Variants in POLK observed in about 807,000 individuals in gnomAD.
POLK encodes DNA polymerase kappa.
Under a neutral mutation model 94.0 loss-of-function variants are expected in POLK, and 76 were observed. That is an observed-to-expected ratio of 0.81 (90% confidence interval 0.67 to 0.98). The LOEUF is 0.98. Among genes scored for constraint, POLK ranks in the 50% least tolerant of loss-of-function variants. The pLI is 0.00. For missense variants in POLK, 954 were observed against 1,010.1 expected (o/e 0.94, Z 0.75); for synonymous variants, 349 against 325.4 (o/e 1.07, Z -0.78).
At chr5:75,545,604 AAAT>A (rs1356916051) in intron 1 of POLK, among the ~76,000 whole-genome samples, 1 of 152,244 alleles carries the variant, frequency 6.6e-6, no homozygotes, top group Non-Finnish European at 1.5e-5. Context: ...TAAAGATATT[AAAT>A]AATTATTATC....
chr5:75,520,580 T>G (rs1278766423), intron 1 of POLK, among the ~76,000 whole-genome samples: 1 of 152,092 alleles, frequency 6.6e-6, no homozygotes, highest in African/African-American at 2.4e-5. Context: ...AAAATTTTTT[T>G]TAGAGATAAG....
chr5:75,511,527 G>A, upstream of POLK: 1 of 1,466,270 alleles, frequency 6.8e-7, no homozygotes, highest in Non-Finnish European at 9.0e-7. Context: ...TTTCAAATAG[G>A]GAAGGAAAAG....
At chr5:75,552,070 A>C (rs1276074862) in intron 2 of POLK, among the ~76,000 whole-genome samples, 2 of 152,222 alleles carry the variant, frequency 1.3e-5, no homozygotes, top group Admixed American at 1.3e-4. Context: ...CTTAACATTA[A>C]ATATTTGAAA....
intron 12 of POLK, among the ~76,000 whole-genome samples, chr5:75,595,248 G>GAAAAA (rs58783164): frequency 0.1 from 2,601 of 24,864 alleles, 397 homozygotes; most frequent in Non-Finnish European, 0.14. Flanking sequence ...CTCCACCTCA[G>GAAAAA]AAAAAAAAAA....
chr5:75,597,178 G>C, exon 13 of POLK: 1 of 1,421,112 alleles, frequency 7.0e-7, no homozygotes, highest in Non-Finnish European at 9.9e-7. Context: ...CAGAAGTACT[G>C]GTAAGTGTGT....
downstream of POLK, among the ~76,000 whole-genome samples, chr5:75,602,616 T>A (rs1302696094): frequency 1.3e-5 from 2 of 152,184 alleles, no homozygotes; most frequent in African/African-American, 4.8e-5. Flanking sequence ...ACTTGAATAA[T>A]GCAGAGACAC....
chr5:75,515,247 T>A (rs1768269176), intron 1 of POLK, among the ~76,000 whole-genome samples: 2 of 152,224 alleles, frequency 1.3e-5, no homozygotes, highest in Non-Finnish European at 2.9e-5. Context: ...TTTTTTGTAT[T>A]TTTGGTCATT....
At chr5:75,559,505 G>GTGTTTTTT (rs1770841207) in intron 3 of POLK, among the ~76,000 whole-genome samples, 1 of 70,080 alleles carries the variant, frequency 1.4e-5, no homozygotes, top group African/African-American at 4.8e-5. Context: ...TTTGGGGTTT[G>GTGTTTTTT]TTTTTTTGTT....
chr5:75,539,453 T>C (rs573656471), intron 1 of POLK, among the ~76,000 whole-genome samples: 1 of 152,328 alleles, frequency 6.6e-6, no homozygotes, highest in Non-Finnish European at 1.5e-5. Flanking sequence ...TTTGAGTTGG[T>C]AACAATCGCA....
chr5:75,548,950 G>C (rs778004077), intron 2 of POLK, among the ~76,000 whole-genome samples: 3 of 152,122 alleles, frequency 2.0e-5, no homozygotes, highest in Admixed American at 6.5e-5. Context: ...CTGTGATGAA[G>C]TGGGAAAATG....
chr5:75,577,014 T>G, intron 6 of POLK, 81 bp downstream of exon 6: 1 of 826,824 alleles, frequency 1.2e-6, no homozygotes, highest in Non-Finnish European at 1.8e-6. Context: ...TCCAATTAAT[T>G]TATTAGCCTG....
At chr5:75,605,064 C>G (rs990666452), downstream of POLK, among the ~76,000 whole-genome samples, 11 of 151,874 alleles carry the variant, frequency 7.2e-5, no homozygotes, top group Non-Finnish European at 1.3e-4. Flanking sequence ...ACTAACCCTT[C>G]TAACCTCAGC....
At chr5:75,533,499 GT>G (rs1451749599) in intron 1 of POLK, among the ~76,000 whole-genome samples, 1 of 152,170 alleles carries the variant, frequency 6.6e-6, no homozygotes, top group Admixed American at 6.5e-5. Context: ...TTGTAATATA[GT>G]TTGAAGTCTG....
At chr5:75,531,154 G>GT (rs1348384116) in intron 1 of POLK, among the ~76,000 whole-genome samples, 2 of 150,666 alleles carry the variant, frequency 1.3e-5, no homozygotes, top group African/African-American at 2.4e-5. Context: ...AAATGAAAAT[G>GT]TTTTTTTTCC....
At chr5:75,533,526 C>T (rs1401278068) in intron 1 of POLK, among the ~76,000 whole-genome samples, 1 of 152,144 alleles carries the variant, frequency 6.6e-6, no homozygotes, top group Non-Finnish European at 1.5e-5. Context: ...GTGATGCCTC[C>T]AGCTTTGTTC....
intron 9 of POLK, among the ~76,000 whole-genome samples, chr5:75,586,672 T>G: frequency 6.6e-6 from 1 of 152,326 alleles, no homozygotes; most frequent in South Asian, 2.1e-4. Context: ...TTTAAATTAT[T>G]TAACATTTAA....
intron 3 of POLK, among the ~76,000 whole-genome samples, chr5:75,555,143 C>T (rs1373706957): frequency 2.0e-5 from 3 of 152,342 alleles, no homozygotes; most frequent in East Asian, 1.9e-4. Flanking sequence ...TCTACGTTGA[C>T]ACAACATTAT....
chr5:75,579,105 A>T (rs1167905976), intron 6 of POLK, among the ~76,000 whole-genome samples: 3 of 152,200 alleles, frequency 2.0e-5, no homozygotes, highest in Admixed American at 6.5e-5. Flanking sequence ...CAGCTCTGAT[A>T]ATGTGTGAGA....
the POLK span, among the ~76,000 whole-genome samples, chr5:75,607,462 T>A: frequency 6.8e-6 from 1 of 147,686 alleles, no homozygotes; most frequent in African/African-American, 2.5e-5. Flanking sequence ...AGCGAGACCT[T>A]GTCTCAAAAA....
Sources: gnomAD v4.1 joint callset for allele counts (sites outside exome capture counted in the v4.1 genomes callset) on GRCh38, gnomAD v4.1.1 for gene constraint, MANE v1.5 for transcripts, NCBI Gene and HGNC (gene_info 2026-07-23, HGNC 2026-07-21) for gene names.